LAMA2: variants seen among roughly 807,000 people sequenced by gnomAD.
The protein encoded by LAMA2 is laminin subunit alpha-2.
LAMA2 carries 269 observed loss-of-function variants against 364.8 expected under a neutral mutation model. The ratio of observed to expected loss-of-function variants is 0.74; its 90% CI spans 0.67 to 0.82. The LOEUF is 0.82. Among genes scored for constraint, LAMA2 ranks in the 40% least tolerant of loss-of-function variants. The pLI is 0.00. For synonymous variants in LAMA2, 1,379 were observed against 1,370.6 expected (o/e 1.01, Z -0.14); for missense variants, 3,807 against 3,873.2 (o/e 0.98, Z 0.45).
chr6:129,122,018 A>G (rs1776829650), intron 4 of LAMA2, among the ~76,000 whole-genome samples: 1 of 152,200 alleles, frequency 6.6e-6, no homozygotes, highest in Non-Finnish European at 1.5e-5. Flanking sequence ...GCTCACTCTT[A>G]AAATTATGTG....
chr6:129,194,859 G>C (rs184218855), intron 12 of LAMA2, among the ~76,000 whole-genome samples: 1 of 152,136 alleles, frequency 6.6e-6, no homozygotes, highest in Non-Finnish European at 1.5e-5. Flanking sequence ...GCTTAGCTTG[G>C]TTGATTTAAT....
chr6:129,178,328 T>TA (rs1780735510), intron 10 of LAMA2, among the ~76,000 whole-genome samples: 1 of 152,168 alleles, frequency 6.6e-6, no homozygotes, highest in Non-Finnish European at 1.5e-5. Context: ...TGTTCAATTA[T>TA]AAAAAAGTAC....
At chr6:129,233,921 TAAG>T (rs745359422) in intron 12 of LAMA2, among the ~76,000 whole-genome samples, 61 of 152,268 alleles carry the variant, frequency 4.0e-4, no homozygotes, top group African/African-American at 1.3e-3. Context: ...AACTGAAAGT[TAAG>T]AAGATATTTT....
chr6:129,149,681 T>C (rs922583144), intron 7 of LAMA2, among the ~76,000 whole-genome samples: 2 of 152,160 alleles, frequency 1.3e-5, no homozygotes, highest in Non-Finnish European at 1.5e-5. Flanking sequence ...CTATAAGATA[T>C]AAAGTCGGCC....
At chr6:129,429,556 A>G (rs1781487929) in intron 41 of LAMA2, among the ~76,000 whole-genome samples, 2 of 152,200 alleles carry the variant, frequency 1.3e-5, no homozygotes, top group South Asian at 2.1e-4. Context: ...ACAATTCTTC[A>G]GGCTGTGTAT....
intron 1 of LAMA2, among the ~76,000 whole-genome samples, chr6:128,902,171 T>G (rs1250306334): frequency 6.6e-6 from 1 of 152,220 alleles, no homozygotes; most frequent in Non-Finnish European, 1.5e-5. Context: ...TCTAATCACC[T>G]TCCAGGAGGT....
At chr6:128,907,697 A>G (rs1176512964) in intron 1 of LAMA2, among the ~76,000 whole-genome samples, 1 of 152,204 alleles carries the variant, frequency 6.6e-6, no homozygotes, top group Admixed American at 6.5e-5. Flanking sequence ...GAGAGAGGGC[A>G]TCCCTGTCTT....
intron 29 of LAMA2, among the ~76,000 whole-genome samples, chr6:129,331,616 A>T (rs1348667062): frequency 6.6e-6 from 1 of 151,864 alleles, no homozygotes; most frequent in African/African-American, 2.4e-5. Flanking sequence ...GCTTGATGAC[A>T]TCACTCTGGC....
At chr6:129,372,455 C>A (rs1189682834) in intron 34 of LAMA2, among the ~76,000 whole-genome samples, 2 of 152,096 alleles carry the variant, frequency 1.3e-5, no homozygotes, top group Non-Finnish European at 2.9e-5. Context: ...AAGGTTTCTC[C>A]ATATTTTTTC....
At chr6:129,311,486 C>G (rs1485283277) in intron 22 of LAMA2, among the ~76,000 whole-genome samples, 1 of 152,138 alleles carries the variant, frequency 6.6e-6, no homozygotes, top group Non-Finnish European at 1.5e-5. Context: ...TTGGGTCCTT[C>G]CAAGGCCTCT....
intron 1 of LAMA2, among the ~76,000 whole-genome samples, chr6:128,934,508 C>CT (rs528613073): frequency 1.5e-4 from 22 of 149,144 alleles, no homozygotes; most frequent in Non-Finnish European, 2.2e-4. Flanking sequence ...TTTTTTCTTT[C>CT]TTTTTTTTCT....
chr6:129,332,266 T>C (rs780752061), intron 29 of LAMA2, among the ~76,000 whole-genome samples: 1 of 152,224 alleles, frequency 6.6e-6, no homozygotes, highest in Non-Finnish European at 1.5e-5. Context: ...ATATTTCCTT[T>C]TCCCCTTGAT....
Position 129,313,001 on chromosome 6 carries a change from C to T in LAMA2, c.3315C>T (p.Leu1105=). The T allele has an allele frequency of 6.2e-7, 1 of 1,614,190 alleles. No individual in the cohort carries two copies. The highest frequency in any genetic ancestry group is 8.5e-7 in the Non-Finnish European group (1 of 1,180,008). The change falls in exon 23 of 65, where the codon CTC becomes CTT. Residue 1105 remains leucine (L), a synonymous_variant. Coordinates refer to ENST00000421865, the MANE Select transcript of LAMA2 (RefSeq NM_000426.4). ...ACTGGAACTACCCTCGCTGCAATCTCTGTGACTGCTTCCTCCCTGGGACAG... is the reference window on the plus strand; with the variant it reads ...ACTGGAACTACCCTCGCTGCAATCTTTGTGACTGCTTCCTCCCTGGGACAG... ...RGHWNYPRCN[L]CDCFLPGTDA...
chr6:129,318,886 A>G (rs1774778953), intron 27 of LAMA2, among the ~76,000 whole-genome samples: 1 of 152,198 alleles, frequency 6.6e-6, no homozygotes, highest in Non-Finnish European at 1.5e-5. Context: ...AAAACTATTC[A>G]TTGTCACATT....
At chr6:129,271,137 C>G (rs1370182009) in intron 17 of LAMA2, among the ~76,000 whole-genome samples, 1 of 152,074 alleles carries the variant, frequency 6.6e-6, no homozygotes, top group African/African-American at 2.4e-5. Flanking sequence ...TTGGGTTCTA[C>G]CCATACACTA....
chr6:129,183,168 G>A (rs981866995), intron 10 of LAMA2, among the ~76,000 whole-genome samples: 2 of 151,948 alleles, frequency 1.3e-5, no homozygotes, highest in African/African-American at 4.8e-5. Context: ...CAAGAGGCAA[G>A]TCAATCTCAG....
chr6:129,478,789 T>C lies in LAMA2; in HGVS notation c.7548T>C (p.Gly2516=). 1.2e-6 allele frequency: 2 copies of C among 1,613,358 alleles called. No homozygotes were observed. The highest frequency in any genetic ancestry group is 1.7e-6 in the Non-Finnish European group (2 of 1,179,324). ...TACTCAGTAGTCCCGATTATGTTGG[T>C]GTTACCAAAGGATGTTCCCTGGAGG... ...YNILSSPDYV[G]VTKGCSLENV... Residue 2516 remains glycine, a synonymous_variant, in exon 54 of 65, where the codon GGT becomes GGC. Coordinates refer to ENST00000421865, the MANE Select transcript of LAMA2 (RefSeq NM_000426.4).
At chr6:129,038,227 C>A (rs1664147308) in intron 1 of LAMA2, among the ~76,000 whole-genome samples, 1 of 152,108 alleles carries the variant, frequency 6.6e-6, no homozygotes, top group South Asian at 2.1e-4. Context: ...AGTGTCACTA[C>A]CATTTTCCCT....
At chr6:129,024,202 C>T (rs536348144) in intron 1 of LAMA2, among the ~76,000 whole-genome samples, 5 of 151,472 alleles carry the variant, frequency 3.3e-5, no homozygotes, top group East Asian at 3.9e-4. Context: ...TGGATCTTAT[C>T]GAGTATTGTG....
Sources: gnomAD v4.1 joint callset for allele counts (sites outside exome capture counted in the v4.1 genomes callset) on GRCh38, gnomAD v4.1.1 for gene constraint, MANE v1.5 for transcripts, NCBI Gene and HGNC (gene_info 2026-07-23, HGNC 2026-07-21) for gene names.